BRINP3: variants seen among roughly 807,000 people sequenced by gnomAD.
BRINP3 encodes the protein BMP/retinoic acid inducible neural specific 3, also known as BMP/retinoic acid-inducible neural-specific protein 3.
Under a neutral mutation model 71.0 loss-of-function variants are expected in BRINP3, and 19 were observed. That is an observed-to-expected ratio of 0.27 (90% CI 0.19 to 0.39). The LOEUF (loss-of-function observed/expected upper bound fraction) is 0.39, where lower values mean the gene tolerates loss of function less well. BRINP3 is among the 10% of genes least tolerant of loss of function. The probability of loss-of-function intolerance (pLI) is 1.00; values close to 1 mark genes in which losing one functional copy is unlikely to be tolerated. For synonymous variants in BRINP3, 380 were observed against 337.7 expected, an observed-to-expected ratio of 1.13 and a Z score of -1.37; for missense variants, 959 against 940.8, an observed-to-expected ratio of 1.02 and a Z score of -0.25.
intron 5 of BRINP3, among the ~76,000 whole-genome samples, chr1:190,229,915 T>C (rs1294799314): frequency 6.6e-6 from 1 of 151,970 alleles, no homozygotes; most frequent in African/African-American, 2.4e-5. Context: ...AATGATAAAT[T>C]AATTTCAATC....
At chr1:190,379,051 G>A (rs567811429) in intron 2 of BRINP3, among the ~76,000 whole-genome samples, 35 of 152,036 alleles carry the variant, frequency 2.3e-4, no homozygotes, top group Non-Finnish European at 1.0e-4. Context: ...TACAAACAGA[G>A]CAAAATCTCA....
At chr1:190,253,884 G>C (rs1176188115) in intron 4 of BRINP3, among the ~76,000 whole-genome samples, 2 of 152,110 alleles carry the variant, frequency 1.3e-5, no homozygotes, top group Non-Finnish European at 2.9e-5. Flanking sequence ...TTCTTCTAGG[G>C]TTTCTATGGT....
At chr1:190,463,830 T>G (rs1317859315) in intron 1 of BRINP3, among the ~76,000 whole-genome samples, 1 of 151,908 alleles carries the variant, frequency 6.6e-6, no homozygotes, top group Admixed American at 6.6e-5. Flanking sequence ...TTAAAGGTAA[T>G]GAATTTTTAG....
At chr1:190,314,652 G>A (rs1324210844) in intron 2 of BRINP3, among the ~76,000 whole-genome samples, 2 of 152,106 alleles carry the variant, frequency 1.3e-5, no homozygotes, top group Admixed American at 6.6e-5. Context: ...ATTCAGCACT[G>A]ACATATTGAT....
chr1:190,473,587 C>T lies in BRINP3; in HGVS notation c.-51+3861G>A, dbSNP rs557080316. ...ACTGTGTGGAAAGTCCAGGCTCCTT[C>T]AACATGTTAGCAAAAAATAACAAAA... On this transcript the variant is annotated intron_variant, in intron 1 of 7. Coordinates refer to ENST00000367462, the MANE Select transcript of BRINP3 (RefSeq NM_199051.3). Among the ~76,000 whole-genome samples, 29 of 137,090 alleles carry T rather than the reference C, an allele frequency of 2.1e-4. No homozygotes were observed. In the South Asian group the frequency reaches 6.4e-3, roughly 30 times the overall value. 89.9% of individuals were successfully genotyped at this position (137,090 alleles called of 152,430 possible). A position where few individuals can be genotyped will look rare whatever the true frequency, so the allele number is the denominator to read the frequency against.
chr1:190,359,327 A>G (rs772843171), intron 2 of BRINP3, among the ~76,000 whole-genome samples: 11 of 152,178 alleles, frequency 7.2e-5, no homozygotes, highest in South Asian at 4.1e-4. Context: ...CTGATTTACC[A>G]TGGGGACTGA....
At chr1:190,212,001 T>C (rs1478397107) in intron 6 of BRINP3, among the ~76,000 whole-genome samples, 10 of 152,118 alleles carry the variant, frequency 6.6e-5, no homozygotes. Flanking sequence ...TGGAGATAGC[T>C]ACAAATTACA....
chr1:190,293,844 T>C (rs776747167), intron 2 of BRINP3, among the ~76,000 whole-genome samples: 22 of 152,168 alleles, frequency 1.4e-4, no homozygotes, highest in Admixed American at 2.0e-4. Flanking sequence ...CTACTCCTGC[T>C]CTTTTTTGGT....
chr1:190,410,056 A>T (rs1033997928), intron 2 of BRINP3, among the ~76,000 whole-genome samples: 2 of 150,514 alleles, frequency 1.3e-5, no homozygotes, highest in Non-Finnish European at 3.0e-5. Context: ...TTCCTATTTT[A>T]CTTCTTTCTT....
At chr1:190,351,480 G>C (rs779624371) in intron 2 of BRINP3, among the ~76,000 whole-genome samples, 15 of 152,076 alleles carry the variant, frequency 9.9e-5, no homozygotes, top group Non-Finnish European at 1.3e-4. Flanking sequence ...ATCTGGAAGA[G>C]AGGTACCCGT....
At position 190,366,083 on chromosome 1, in the gene BRINP3, G is replaced by T. The variant is rs180856479; in HGVS notation, c.237-84333C>A. Among the ~76,000 whole-genome samples, 222 of 150,950 alleles carry T rather than the reference G, an allele frequency of 1.5e-3. 1 individual carries two copies. Among genetic ancestry groups the T allele is most frequent in the African/African-American group, 5.3e-3 (217 of 41,154 alleles). Reference sequence around the variant, plus strand: ...AACTTAGAAAGGTAAGATGAGAAAGGATCAGATCGAATAATTGGAAATTTT... The same window carrying T: ...AACTTAGAAAGGTAAGATGAGAAAGTATCAGATCGAATAATTGGAAATTTT... On this transcript the variant is annotated intron_variant, in intron 2 of 7. Coordinates refer to ENST00000367462, the MANE Select transcript of BRINP3 (RefSeq NM_199051.3).
chr1:190,155,023 T>C (rs908413379), intron 7 of BRINP3, among the ~76,000 whole-genome samples: 1 of 152,160 alleles, frequency 6.6e-6, no homozygotes, highest in Non-Finnish European at 1.5e-5. Context: ...ACTAGAAGAC[T>C]GACAGCTTTC....
chr1:190,379,339 G>T (rs1197129531), intron 2 of BRINP3, among the ~76,000 whole-genome samples: 1 of 152,066 alleles, frequency 6.6e-6, no homozygotes, highest in Non-Finnish European at 1.5e-5. Flanking sequence ...CCCCTGGCAG[G>T]ATTTACATTC....
At chr1:190,476,190 A>AG (rs1677489570) in intron 1 of BRINP3, among the ~76,000 whole-genome samples, 1 of 151,754 alleles carries the variant, frequency 6.6e-6, no homozygotes, top group Admixed American at 6.6e-5. Flanking sequence ...ATTTAAAAAA[A>AG]CATTGCTTGG....
intron 7 of BRINP3, among the ~76,000 whole-genome samples, chr1:190,117,113 G>A (rs1057082639): frequency 1.3e-5 from 2 of 151,960 alleles, no homozygotes; most frequent in Non-Finnish European, 2.9e-5. Context: ...CTTTTGTAAT[G>A]CAATTGTTTC....
chr1:190,379,223 ATT>A (rs1670365505), intron 2 of BRINP3, among the ~76,000 whole-genome samples: 1 of 152,150 alleles, frequency 6.6e-6, no homozygotes, highest in Non-Finnish European at 1.5e-5. Flanking sequence ...AAAAAACTAC[ATT>A]TTTATTCAGA....
intron 2 of BRINP3, among the ~76,000 whole-genome samples, chr1:190,288,960 G>A (rs527709547): frequency 6.6e-6 from 1 of 151,658 alleles, no homozygotes; most frequent in African/African-American, 2.4e-5. Flanking sequence ...AATTATTTAG[G>A]CAACATTTCC....
intron 2 of BRINP3, among the ~76,000 whole-genome samples, chr1:190,397,198 G>A (rs531689128): frequency 3.3e-5 from 5 of 151,992 alleles, no homozygotes; most frequent in African/African-American, 1.2e-4. Flanking sequence ...CTTAGCAAGT[G>A]GGGACTTCTG....
At chr1:190,287,411 A>G (rs1415153598) in intron 2 of BRINP3, among the ~76,000 whole-genome samples, 1 of 152,156 alleles carries the variant, frequency 6.6e-6, no homozygotes, top group Non-Finnish European at 1.5e-5. Flanking sequence ...CTCTCCCTTT[A>G]GCCCCTTGAT....
Sources: gnomAD v4.1 joint callset for allele counts (sites outside exome capture counted in the v4.1 genomes callset) on GRCh38, gnomAD v4.1.1 for gene constraint, MANE v1.5 for transcripts, NCBI Gene and HGNC (gene_info 2026-07-23, HGNC 2026-07-21) for gene names.